NGF: variants seen among roughly 807,000 people sequenced by gnomAD.
NGF encodes nerve growth factor.
In NGF, 4 loss-of-function variants were observed where a neutral mutation model predicts 12.8. The observed-to-expected ratio is 0.31, with a 90% CI of 0.15 to 0.72. The LOEUF (loss-of-function observed/expected upper bound fraction) is 0.72, where lower values mean the gene tolerates loss of function less well. NGF is among the 30% of genes least tolerant of loss of function. The probability of loss-of-function intolerance (pLI) is 0.69; values close to 1 mark genes in which losing one functional copy is unlikely to be tolerated. For missense variants in NGF, 283 were observed against 330.8 expected (o/e 0.86, Z 1.12); for synonymous variants, 140 against 130.0 (o/e 1.08, Z -0.52).
chr1:115,289,140 TA>T (rs1298065728), intron 2 of NGF, among the ~76,000 whole-genome samples: 1 of 152,236 alleles, frequency 6.6e-6, no homozygotes, highest in Non-Finnish European at 1.5e-5. Flanking sequence ...GTCTTGCAGA[TA>T]AATGTCCGGT....
chr1:115,317,158 A>G (rs540149395), intron 1 of NGF, among the ~76,000 whole-genome samples: 1 of 152,092 alleles, frequency 6.6e-6, no homozygotes, highest in East Asian at 1.9e-4. Flanking sequence ...GGATGGAGTC[A>G]TGGCCCTTGT....
intron 1 of NGF, among the ~76,000 whole-genome samples, chr1:115,324,294 A>AT (rs1158648820): frequency 1.3e-5 from 2 of 152,258 alleles, no homozygotes; most frequent in East Asian, 3.9e-4. Context: ...CCGGCTCTAT[A>AT]TGGGTCACTA....
intron 1 of NGF, among the ~76,000 whole-genome samples, chr1:115,329,744 C>CTTTTTTTTTTT (rs1039991768): frequency 1.9e-5 from 2 of 103,978 alleles, no homozygotes; most frequent in Non-Finnish European, 3.8e-5. Context: ...TTCTTTCTTT[C>CTTTTTTTTTTT]TTTTTTTTTT....
chr1:115,304,394 G>C (rs910751433), intron 1 of NGF, among the ~76,000 whole-genome samples: 3 of 138,618 alleles, frequency 2.2e-5, no homozygotes, highest in African/African-American at 7.8e-5. Flanking sequence ...GGCTGGTCTC[G>C]AACTGCTGAC....
chr1:115,288,121 C>G (rs1271410791), intron 2 of NGF, among the ~76,000 whole-genome samples: 1 of 152,208 alleles, frequency 6.6e-6, no homozygotes, highest in East Asian at 1.9e-4. Flanking sequence ...GTCCTCGAAG[C>G]CTTCTCAGAT....
intron 1 of NGF, among the ~76,000 whole-genome samples, chr1:115,317,457 G>A (rs1422240654): frequency 6.6e-6 from 1 of 152,134 alleles, no homozygotes; most frequent in Non-Finnish European, 1.5e-5. Flanking sequence ...AAGCCAGGCT[G>A]GTATTGTTCT....
chr1:115,286,591 T>G lies in NGF; in HGVS notation c.205A>C (p.Asn69His), dbSNP rs2101019205. The change falls in exon 3 of 3, where the codon AAC becomes CAC. Residue 69 changes from asparagine to histidine, a missense_variant. By Grantham distance (68) the Asn-to-His change is moderately conservative. Around this residue, in one of 2 missense-constraint regions of NGF, gnomAD observed 151 missense variants for 141.6 expected, o/e 1.07. Transcript: ENST00000369512. ...AACAGCCTGGGGTCCACAGTAATGT[T>G]GCGGGTCTGCCCCGCCACGCGTGCA... ...IAARVAGQTR[N>H]ITVDPRLFKK... 1 of 1,614,158 alleles carries G rather than the reference T, an allele frequency of 6.2e-7. No individual in the cohort carries two copies. Among genetic ancestry groups the G allele is most frequent in the Non-Finnish European group, 8.5e-7 (1 of 1,180,028 alleles).
intron 1 of NGF, among the ~76,000 whole-genome samples, chr1:115,310,264 C>T (rs909547626): frequency 6.6e-6 from 1 of 152,184 alleles, no homozygotes; most frequent in Non-Finnish European, 1.5e-5. Flanking sequence ...AGTGCTAGAA[C>T]TTTGGGTGAT....
intron 1 of NGF, among the ~76,000 whole-genome samples, chr1:115,335,104 C>A (rs558640645): frequency 1.2e-4 from 18 of 152,338 alleles, no homozygotes; most frequent in Non-Finnish European, 2.4e-4. Context: ...ACATCACGAA[C>A]CACCAGAAAG....
intron 1 of NGF, among the ~76,000 whole-genome samples, chr1:115,333,854 T>TC (rs1471727212): frequency 1.3e-5 from 2 of 151,776 alleles, no homozygotes; most frequent in African/African-American, 4.8e-5. Context: ...TTCTTTTCTT[T>TC]CTTTTTTTTC....
intron 1 of NGF, among the ~76,000 whole-genome samples, chr1:115,306,964 G>T (rs1437042102): frequency 6.6e-6 from 1 of 152,200 alleles, no homozygotes; most frequent in Non-Finnish European, 1.5e-5. Context: ...TGATGGCCCT[G>T]GCCCTGATGC....
chr1:115,285,957 T>C lies in NGF; in HGVS notation c.*113A>G, dbSNP rs1653482845. ...AATAAATAATGATTCTTTAAAACTG[T>C]ATAAACTATAAATTACCATGCAGTC... is the stretch of plus-strand genomic sequence containing the variant. On this transcript the variant is annotated 3_prime_UTR_variant, in exon 3 of 3. Coordinates refer to ENST00000369512, the MANE Select transcript of NGF (RefSeq NM_002506.3). The C allele has an allele frequency of 7.2e-7, 1 of 1,386,252 alleles. No individual in the cohort carries two copies. The highest frequency in any genetic ancestry group is 9.7e-7 in the Non-Finnish European group (1 of 1,035,588). The allele number at this position is 1,386,252 out of a possible 1,614,324, so 85.9% of individuals were successfully genotyped here. A position where few individuals can be genotyped will look rare whatever the true frequency, so the allele number is the denominator to read the frequency against.
intron 2 of NGF, among the ~76,000 whole-genome samples, chr1:115,290,489 G>C (rs1653660311): frequency 6.7e-6 from 1 of 148,196 alleles, no homozygotes; most frequent in Non-Finnish European, 1.5e-5. Context: ...TTTGCCTCCT[G>C]GGTTCAAACA....
At chr1:115,287,182 G>A (rs1653538559) in intron 2 of NGF, among the ~76,000 whole-genome samples, 1 of 152,180 alleles carries the variant, frequency 6.6e-6, no homozygotes, top group Non-Finnish European at 1.5e-5. Context: ...AGGGAGGCCG[G>A]TGGGGAGAGT....
intron 1 of NGF, among the ~76,000 whole-genome samples, chr1:115,329,816 C>G (rs1654869293): frequency 7.2e-6 from 1 of 138,592 alleles, no homozygotes; most frequent in Non-Finnish European, 1.5e-5. Flanking sequence ...GTGGCATGAT[C>G]ATGGCTCACT....
chr1:115,333,139 T>A (rs1036489467), intron 1 of NGF, among the ~76,000 whole-genome samples: 4 of 152,124 alleles, frequency 2.6e-5, no homozygotes, highest in African/African-American at 7.2e-5. Context: ...CTCCCTGGGC[T>A]CACTTAGCAA....
intron 1 of NGF, among the ~76,000 whole-genome samples, chr1:115,314,422 A>G (rs936076589): frequency 2.6e-5 from 4 of 152,212 alleles, no homozygotes; most frequent in African/African-American, 9.6e-5. Flanking sequence ...CTAATGAAAC[A>G]TTGGGACTAT....
chr1:115,326,005 G>A (rs1176241276), intron 1 of NGF, among the ~76,000 whole-genome samples: 2 of 152,108 alleles, frequency 1.3e-5, no homozygotes, highest in Non-Finnish European at 1.5e-5. Context: ...GAATATAAGA[G>A]TCTGGGGCCC....
chr1:115,300,305 A>G (rs1480232683), intron 1 of NGF, among the ~76,000 whole-genome samples: 1 of 152,216 alleles, frequency 6.6e-6, no homozygotes, highest in Non-Finnish European at 1.5e-5. Context: ...AGTGCTTTAA[A>G]AAAGGCAGGC....
Sources: gnomAD v4.1 joint callset for allele counts (sites outside exome capture counted in the v4.1 genomes callset) on GRCh38, gnomAD v4.1.1 for gene constraint, gnomAD v4.1.1 regional missense constraint, MANE v1.5 for transcripts, NCBI Gene and HGNC (gene_info 2026-07-23, HGNC 2026-07-21) for gene names.